ANKRD27: variants seen among roughly 807,000 people sequenced by gnomAD.
ANKRD27 encodes ankyrin repeat domain-containing protein 27.
A neutral mutation model predicts 129.7 loss-of-function variants in ANKRD27; 112 were observed. The ratio of observed to expected loss-of-function variants is 0.86; its 90% CI spans 0.74 to 1.01. The LOEUF is 1.01. Ranked by LOEUF, ANKRD27 falls within the 50% of genes least tolerant of loss-of-function variation. The pLI is 0.00. For missense variants in ANKRD27, 1,258 were observed against 1,300.5 expected, an observed-to-expected ratio of 0.97 and a Z score of 0.50; for synonymous variants, 516 against 511.2, an observed-to-expected ratio of 1.01 and a Z score of -0.13.
chr19:32,640,170 A>T (rs1051289617), intron 11 of ANKRD27, 137 bp downstream of exon 11: 21 of 573,090 alleles, frequency 3.7e-5, no homozygotes, highest in Admixed American at 2.3e-4. Flanking sequence ...TCACCGTGTT[A>T]GCCAGGATGG....
intron 3 of ANKRD27, 37 bp downstream of exon 3, chr19:32,649,645 G>A: frequency 7.1e-7 from 1 of 1,412,154 alleles, no homozygotes; most frequent in East Asian, 2.3e-5. Flanking sequence ...CAAACACCGA[G>A]TAGGTGACCC....
intron 12 of ANKRD27, chr19:32,636,463 A>G (rs1967091167): frequency 6.6e-6 from 1 of 151,722 alleles, no homozygotes; most frequent in Admixed American, 6.6e-5. Context: ...AGTGCTTCAC[A>G]TGCAAGAAAT....
chr19:32,629,514 A>G (rs1299285945), intron 13 of ANKRD27, among the ~76,000 whole-genome samples: 1 of 152,176 alleles, frequency 6.6e-6, no homozygotes, highest in East Asian at 1.9e-4. Context: ...AGCCTGGCCA[A>G]CATGGTAAAA....
chr19:32,605,748 T>A (rs1466671233), intron 24 of ANKRD27, 87 bp downstream of exon 24: 6 of 1,544,968 alleles, frequency 3.9e-6, no homozygotes, highest in Admixed American at 1.9e-5. Context: ...GGCCTCTCCA[T>A]CCCCAGTGCG....
intron 12 of ANKRD27, among the ~76,000 whole-genome samples, chr19:32,633,375 C>T (rs1967034622): frequency 6.9e-6 from 1 of 145,206 alleles, no homozygotes; most frequent in African/African-American, 2.5e-5. Context: ...CTCTGTCTCC[C>T]AAGCTGGACT....
chr19:32,626,680 C>T (rs763198407), intron 16 of ANKRD27, 32 bp downstream of exon 16: 26 of 1,528,894 alleles, frequency 1.7e-5, no homozygotes, highest in Middle Eastern at 1.9e-4. Context: ...AGGAGCAAAG[C>T]GACAGCCCGC....
At chr19:32,673,405 A>G (rs1235516921) in intron 1 of ANKRD27, 1 of 985,148 alleles carries the variant, frequency 1.0e-6, no homozygotes, top group African/African-American at 1.7e-5. Flanking sequence ...CCAGCAACAC[A>G]ACAAAGCGAT....
intron 1 of ANKRD27, among the ~76,000 whole-genome samples, chr19:32,661,260 C>T (rs1967641890): frequency 6.6e-6 from 1 of 151,120 alleles, no homozygotes; most frequent in Non-Finnish European, 1.5e-5. Flanking sequence ...CATATACTCA[C>T]ACCATCTCCT....
chr19:32,659,139 C>CTTT, intron 1 of ANKRD27, 94 bp from the exon 2 acceptor site: 14 of 157,270 alleles, frequency 8.9e-5, no homozygotes, highest in East Asian at 1.7e-4. Flanking sequence ...TTTTCTTTTT[C>CTTT]TTTTTTTTTT....
At chr19:32,672,444 T>C (rs1306033984) in intron 1 of ANKRD27, among the ~76,000 whole-genome samples, 1 of 152,092 alleles carries the variant, frequency 6.6e-6, no homozygotes, top group Non-Finnish European at 1.5e-5. Context: ...GCTCACCCAC[T>C]TGAACAAAAC....
At chr19:32,611,586 T>C (rs1008526186) in intron 22 of ANKRD27, among the ~76,000 whole-genome samples, 13 of 152,186 alleles carry the variant, frequency 8.5e-5, no homozygotes, top group Admixed American at 8.5e-4. Flanking sequence ...GTCAAATCCA[T>C]TTTCTTTTTT....
chr19:32,644,251 A>C, intron 5 of ANKRD27, 74 bp downstream of exon 5: 5 of 1,515,176 alleles, frequency 3.3e-6, no homozygotes, highest in Middle Eastern at 2.4e-4. Flanking sequence ...GTTCCAGAGG[A>C]AACTGAGGGC....
At chr19:32,665,488 C>T (rs1326044413) in intron 1 of ANKRD27, among the ~76,000 whole-genome samples, 2 of 150,888 alleles carry the variant, frequency 1.3e-5, no homozygotes, top group African/African-American at 4.9e-5. Context: ...GAGACAGAGT[C>T]TTGCTCTGTC....
At chr19:32,646,638 T>C (rs773622024) in intron 3 of ANKRD27, 23 bp from the exon 4 acceptor site, 2 of 1,607,702 alleles carry the variant, frequency 1.2e-6, no homozygotes, top group Admixed American at 3.4e-5. Flanking sequence ...AAGCCATCAC[T>C]GCACCAGCAG....
intron 24 of ANKRD27, among the ~76,000 whole-genome samples, chr19:32,604,912 A>G (rs1470033192): frequency 6.6e-6 from 1 of 151,908 alleles, no homozygotes; most frequent in African/African-American, 2.4e-5. Flanking sequence ...AAACACCAAA[A>G]AACAAAAAAA....
At chr19:32,607,520 G>A (rs1344308184) in intron 23 of ANKRD27, 115 bp downstream of exon 23, 17 of 1,265,554 alleles carry the variant, frequency 1.3e-5, no homozygotes, top group Middle Eastern at 2.7e-4. Flanking sequence ...CTCAGGGCTC[G>A]GGGGAGCAGT....
intron 13 of ANKRD27, among the ~76,000 whole-genome samples, chr19:32,630,505 C>CA (rs1054350553): frequency 1.3e-5 from 2 of 152,224 alleles, no homozygotes; most frequent in African/African-American, 4.8e-5. Flanking sequence ...TCAGCTCTGC[C>CA]AGGGCTGCCA....
At chr19:32,660,401 G>T (rs1943018099) in intron 1 of ANKRD27, among the ~76,000 whole-genome samples, 1 of 152,152 alleles carries the variant, frequency 6.6e-6, no homozygotes, top group South Asian at 2.1e-4. Flanking sequence ...AAATTAGCTG[G>T]GTGTGGTGGT....
At chr19:32,635,185 G>C (rs1967066954) in intron 12 of ANKRD27, among the ~76,000 whole-genome samples, 1 of 152,132 alleles carries the variant, frequency 6.6e-6, no homozygotes. Context: ...GGTGACCAGA[G>C]ACACCCTGGG....
Sources: allele counts gnomAD v4.1 joint callset (sites outside exome capture counted in the v4.1 genomes callset), GRCh38; gene constraint gnomAD v4.1.1; transcripts MANE v1.5; gene names NCBI Gene and HGNC (gene_info 2026-07-23, HGNC 2026-07-21).